The following SPMIP6 variants were observed in gnomAD, a reference collection of about 807,000 sequenced individuals.
SPMIP6 encodes ciliated bronchial epithelial protein 1.
At chr9:34,383,813 G>A in the SPMIP6 span, among the ~76,000 whole-genome samples, 6 of 152,170 alleles carry the variant, frequency 3.9e-5, no homozygotes, top group Non-Finnish European at 8.8e-5. Context: ...GTTAGTATAT[G>A]TAAGACATTT....
chr9:34,385,880 C>T, the SPMIP6 span: 1 of 1,313,046 alleles, frequency 7.6e-7, no homozygotes, highest in Non-Finnish European at 1.0e-6. Flanking sequence ...AAGGTCAGCC[C>T]AGGTGGGTCT....
the SPMIP6 span, chr9:34,381,558 A>C: frequency 6.5e-7 from 1 of 1,537,404 alleles, no homozygotes; most frequent in Non-Finnish European, 8.7e-7. The surrounding 1 kb of genome is among the most constrained non-coding windows in gnomAD (Gnocchi z 4.4). Context: ...CCCGCCCTTC[A>C]GCAGCTCCCC....
the SPMIP6 span, chr9:34,380,823 T>A: frequency 1.4e-6 from 2 of 1,409,950 alleles, no homozygotes; most frequent in Non-Finnish European, 1.9e-6. Context: ...CTGGCCGGGC[T>A]GGAAGGGGGC....
At chr9:34,397,610 G>C in the SPMIP6 span, 1 of 1,609,136 alleles carries the variant, frequency 6.2e-7, no homozygotes, top group Non-Finnish European at 8.5e-7. Flanking sequence ...TAGGGGTCCT[G>C]GTCTTACGGG....
At chr9:34,389,629 C>T in the SPMIP6 span, among the ~76,000 whole-genome samples, 1 of 152,206 alleles carries the variant, frequency 6.6e-6, no homozygotes, top group Admixed American at 6.5e-5. Flanking sequence ...ATCTGCCTGC[C>T]TCAGCCTCCT....
At chr9:34,391,937 C>T in the SPMIP6 span, among the ~76,000 whole-genome samples, 4 of 109,676 alleles carry the variant, frequency 3.6e-5, no homozygotes, top group Non-Finnish European at 8.6e-5. Context: ...CTTGACCAAT[C>T]AGTAATTGTA....
chr9:34,397,734 G>A, the SPMIP6 span: 1 of 1,283,226 alleles, frequency 7.8e-7, no homozygotes, highest in South Asian at 1.4e-5. Flanking sequence ...CTCCAGCCTG[G>A]CAGGTGCCCT....
At chr9:34,381,610 G>T in the SPMIP6 span, 5 of 1,442,702 alleles carry the variant, frequency 3.5e-6, no homozygotes, top group Non-Finnish European at 4.6e-6. The surrounding 1 kb of genome is among the most constrained non-coding windows in gnomAD (Gnocchi z 4.4). Context: ...ACCGGGCAAC[G>T]CTTTTACATC....
the SPMIP6 span, chr9:34,379,227 A>C: frequency 8.1e-4 from 926 of 1,136,636 alleles, 8 homozygotes; most frequent in African/African-American, 0.013. This position sits in a 1 kb window ranked among gnomAD's most constrained non-coding sequence, Gnocchi z 4.2. Flanking sequence ...CATATGTCAA[A>C]GTGAATATCT....
the SPMIP6 span, among the ~76,000 whole-genome samples, chr9:34,384,386 G>A: frequency 1.3e-5 from 2 of 152,210 alleles, no homozygotes; most frequent in Non-Finnish European, 2.9e-5. Flanking sequence ...GGAAAGGGAG[G>A]CATCAGAGAA....
At chr9:34,387,029 GATT>G in the SPMIP6 span, among the ~76,000 whole-genome samples, 1 of 126,312 alleles carries the variant, frequency 7.9e-6, no homozygotes. Flanking sequence ...TGATCCTTAT[GATT>G]TTTTTTTTTT....
the SPMIP6 span, among the ~76,000 whole-genome samples, chr9:34,381,902 G>A: frequency 6.6e-6 from 1 of 152,202 alleles, no homozygotes; most frequent in Non-Finnish European, 1.5e-5. This position sits in a 1 kb window ranked among gnomAD's most constrained non-coding sequence, Gnocchi z 4.4. Flanking sequence ...CCCGGCTCTG[G>A]TTTTGGGTCC....
chr9:34,390,605 G>A, the SPMIP6 span, among the ~76,000 whole-genome samples: 11 of 151,810 alleles, frequency 7.2e-5, no homozygotes, highest in East Asian at 7.7e-4. Flanking sequence ...ATACACTACC[G>A]GATACGGTTT....
the SPMIP6 span, chr9:34,380,894 A>T: frequency 6.5e-7 from 1 of 1,547,752 alleles, no homozygotes; most frequent in Non-Finnish European, 8.7e-7. Context: ...GAGCCCTGCG[A>T]ACCTTACAGT....
chr9:34,380,121 AG>A, the SPMIP6 span, among the ~76,000 whole-genome samples: 1 of 152,234 alleles, frequency 6.6e-6, no homozygotes, highest in Non-Finnish European at 1.5e-5. Context: ...GAGAGGGATA[AG>A]ACTCAGTCTT....
At chr9:34,384,437 A>C in the SPMIP6 span, among the ~76,000 whole-genome samples, 50 of 152,320 alleles carry the variant, frequency 3.3e-4, no homozygotes, top group African/African-American at 1.1e-3. Context: ...GTGTGGTCAT[A>C]GCCTGTGTGC....
At chr9:34,392,982 C>T in the SPMIP6 span, among the ~76,000 whole-genome samples, 2 of 152,212 alleles carry the variant, frequency 1.3e-5, no homozygotes, top group African/African-American at 2.4e-5. The surrounding 1 kb of genome is among the most constrained non-coding windows in gnomAD (Gnocchi z 4.6). Context: ...TAAGGTGCCA[C>T]AGTGCTTGGT....
chr9:34,381,236 A>G, the SPMIP6 span: 1 of 1,569,132 alleles, frequency 6.4e-7, no homozygotes, highest in Admixed American at 1.7e-5. The surrounding 1 kb of genome is among the most constrained non-coding windows in gnomAD (Gnocchi z 4.4). Context: ...GCCAGGACGG[A>G]TAGATTCAGG....
At chr9:34,379,553 T>C in the SPMIP6 span, 1 of 1,137,744 alleles carries the variant, frequency 8.8e-7, no homozygotes, top group Non-Finnish European at 1.3e-6. The surrounding 1 kb of genome is among the most constrained non-coding windows in gnomAD (Gnocchi z 4.2). Context: ...CCGCGGAGCG[T>C]TCTCATCCCG....
Sources: gnomAD v4.1 joint callset for allele counts (sites outside exome capture counted in the v4.1 genomes callset) on GRCh38, gnomAD v4.1.1 for gene constraint, Gnocchi (gnomAD v3.1) non-coding constraint, MANE v1.5 for transcripts, NCBI Gene and HGNC (gene_info 2026-07-23, HGNC 2026-07-21) for gene names.